SYT16: variants seen among roughly 807,000 people sequenced by gnomAD.
SYT16 encodes the protein synaptotagmin-16.
A neutral mutation model predicts 61.4 loss-of-function variants in SYT16; 42 were observed. The ratio of observed to expected loss-of-function variants is 0.68; its 90% confidence interval spans 0.53 to 0.89. SYT16 has a LOEUF of 0.89. SYT16 is among the 40% of genes least tolerant of loss of function. The pLI, the probability that SYT16 is intolerant of heterozygous loss-of-function variation, is 0.00. For missense variants in SYT16, 804 were observed against 807.3 expected (o/e 1.00, Z 0.05); for synonymous variants, 314 against 302.3 (o/e 1.04, Z -0.40).
chr14:61,891,231 TAC>T (rs1232985058), intron 1 of SYT16, among the ~76,000 whole-genome samples: 1 of 114,942 alleles, frequency 8.7e-6, no homozygotes, highest in Non-Finnish European at 1.7e-5. Flanking sequence ...TGCACGTGCA[TAC>T]ACACACGCGC....
intron 7 of SYT16, among the ~76,000 whole-genome samples, chr14:62,097,208 C>T (rs1289811711): frequency 6.6e-6 from 1 of 152,032 alleles, no homozygotes; most frequent in African/African-American, 2.4e-5. Context: ...TGGCGTCTTC[C>T]TTTAGCAAGA....
chr14:61,859,483 G>C (rs1255980491), intron 1 of SYT16, among the ~76,000 whole-genome samples: 1 of 151,716 alleles, frequency 6.6e-6, no homozygotes, highest in East Asian at 1.9e-4. Context: ...TATACAATCC[G>C]GCACATCCAC....
chr14:61,891,198 T>C (rs897170815), intron 1 of SYT16, among the ~76,000 whole-genome samples: 1 of 151,922 alleles, frequency 6.6e-6, no homozygotes, highest in Non-Finnish European at 1.5e-5. Flanking sequence ...ATTTATCTTT[T>C]GGTCCACCTT....
chr14:61,860,914 G>C (rs985230903), intron 1 of SYT16, among the ~76,000 whole-genome samples: 1 of 152,194 alleles, frequency 6.6e-6, no homozygotes, highest in Non-Finnish European at 1.5e-5. Flanking sequence ...GTATTCAAGT[G>C]AGGTGTACGG....
rs1300869029 is a variant in SYT16 at position 62,110,940 on chromosome 14, A to G, written c.*10233A>G. The G allele has an allele frequency of 6.6e-6, 1 of 152,058 alleles. No homozygotes were observed. Among genetic ancestry groups the G allele is most frequent in the Non-Finnish European group, 1.5e-5 (1 of 67,930 alleles). The allele number at this position is 152,058 out of a possible 1,614,324, so 9.4% of individuals were successfully genotyped here. ...TTGTCCATCTCTCCCCTCCCAAGTG[A>G]CTTTCCTCACTCATGTAATCATTTT... On this transcript the variant is annotated 3_prime_UTR_variant, in exon 8 of 8. Transcript: ENST00000683842.
At chr14:62,045,949 A>T (rs574103253) in intron 3 of SYT16, among the ~76,000 whole-genome samples, 1 of 152,046 alleles carries the variant, frequency 6.6e-6, no homozygotes, top group Non-Finnish European at 1.5e-5. Context: ...ATGATTTATA[A>T]TCCTTTGGGT....
intron 3 of SYT16, among the ~76,000 whole-genome samples, chr14:62,044,940 C>A (rs548218281): frequency 6.6e-6 from 1 of 152,224 alleles, no homozygotes; most frequent in East Asian, 1.9e-4. Flanking sequence ...GAATTCGAGA[C>A]CAGCCTGGCC....
At chr14:61,896,781 T>C (rs1420344810) in intron 1 of SYT16, among the ~76,000 whole-genome samples, 3 of 152,252 alleles carry the variant, frequency 2.0e-5, no homozygotes. Context: ...TTATGCACTT[T>C]AGATGCTCAT....
Position 62,102,497 on chromosome 14 carries a change from T to G in SYT16, c.*1790T>G, listed in dbSNP as rs907882544. ...TTTTACCCTACCTTTCTTTGGGAGATCTCAGAGTGCTTTTCCAGCATTATA... is the reference window on the plus strand; with the variant it reads ...TTTTACCCTACCTTTCTTTGGGAGAGCTCAGAGTGCTTTTCCAGCATTATA... On this transcript the variant is annotated 3_prime_UTR_variant, in exon 8 of 8. Transcript: ENST00000683842. The G allele has an allele frequency of 1.6e-4, 25 of 152,166 alleles. No individual in the cohort carries two copies. The highest frequency in any genetic ancestry group is 5.5e-4 in the African/African-American group (23 of 41,442). The allele number at this position is 152,166 out of a possible 1,614,324, so 9.4% of individuals were successfully genotyped here. A position where few individuals can be genotyped will look rare whatever the true frequency, so the allele number is the denominator to read the frequency against.
rs907917225 is a variant in SYT16 at position 62,102,767 on chromosome 14, T to C, written c.*2060T>C. 6.6e-6 allele frequency: 1 copy of C among 152,194 alleles called. No individual in the cohort carries two copies. Among genetic ancestry groups the C allele is most frequent in the African/African-American group, 2.4e-5 (1 of 41,452 alleles). The allele number at this position is 152,194 out of a possible 1,614,324, so 9.4% of individuals were successfully genotyped here. A position where few individuals can be genotyped will look rare whatever the true frequency, so the allele number is the denominator to read the frequency against. Reference sequence around the variant, plus strand: ...TATTGTACAGACAGCCCTGAATTTTTCCCTCTCATATTTTCCTGCTGCTGC... The same window carrying C: ...TATTGTACAGACAGCCCTGAATTTTCCCCTCTCATATTTTCCTGCTGCTGC... On this transcript the variant is annotated 3_prime_UTR_variant, in exon 8 of 8. Transcript: ENST00000683842.
At chr14:62,024,826 T>C (rs531588992) in intron 3 of SYT16, among the ~76,000 whole-genome samples, 78 of 152,218 alleles carry the variant, frequency 5.1e-4, no homozygotes, top group Admixed American at 1.8e-3. Flanking sequence ...CAACCACTGA[T>C]CTTTTTACTG....
intron 2 of SYT16, among the ~76,000 whole-genome samples, chr14:61,983,515 G>A (rs1170201497): frequency 1.3e-5 from 2 of 151,942 alleles, no homozygotes; most frequent in Non-Finnish European, 2.9e-5. Flanking sequence ...AATAATTTCA[G>A]GTTTTTTTTG....
At chr14:61,910,561 C>T (rs1286133386) in intron 1 of SYT16, among the ~76,000 whole-genome samples, 3 of 144,442 alleles carry the variant, frequency 2.1e-5, no homozygotes, top group South Asian at 2.2e-4. Context: ...GACAGGTTCT[C>T]GCTCTGTCAC....
chr14:62,047,153 G>A (rs2055030521), intron 3 of SYT16, among the ~76,000 whole-genome samples: 1 of 152,074 alleles, frequency 6.6e-6, no homozygotes, highest in South Asian at 2.1e-4. Context: ...ATTTCATTGA[G>A]CAGTGGTTTG....
At chr14:61,892,843 G>C (rs898150873) in intron 1 of SYT16, among the ~76,000 whole-genome samples, 12 of 152,178 alleles carry the variant, frequency 7.9e-5, no homozygotes, top group African/African-American at 2.9e-4. Context: ...CATTGGCCAG[G>C]CTTGGTTGGT....
At chr14:62,070,970 G>C (rs2056276532) in intron 4 of SYT16, among the ~76,000 whole-genome samples, 1 of 152,116 alleles carries the variant, frequency 6.6e-6, no homozygotes, top group African/African-American at 2.4e-5. Context: ...CAGAATAAAG[G>C]ATTAAAGAGG....
At chr14:62,014,913 T>C (rs903945820) in intron 3 of SYT16, among the ~76,000 whole-genome samples, 1 of 152,238 alleles carries the variant, frequency 6.6e-6, no homozygotes, top group African/African-American at 2.4e-5. Context: ...TCTAGCATCC[T>C]GAAATACTAA....
chr14:62,066,629 C>T (rs1429568318), intron 3 of SYT16, among the ~76,000 whole-genome samples: 8 of 152,182 alleles, frequency 5.3e-5, no homozygotes, highest in African/African-American at 9.7e-5. Flanking sequence ...AAGTGATCTT[C>T]AGGACCCATC....
intron 1 of SYT16, among the ~76,000 whole-genome samples, chr14:61,941,338 C>G (rs1250443579): frequency 6.6e-6 from 1 of 151,966 alleles, no homozygotes. Flanking sequence ...GGCTTCAGCT[C>G]ATATATAAAC....
Sources: gnomAD v4.1 joint callset for allele counts (sites outside exome capture counted in the v4.1 genomes callset) on GRCh38, gnomAD v4.1.1 for gene constraint, MANE v1.5 for transcripts, NCBI Gene and HGNC (gene_info 2026-07-23, HGNC 2026-07-21) for gene names.